The following TRAPPC9 variants were observed in gnomAD, a reference collection of about 807,000 sequenced individuals.
TRAPPC9 encodes the protein trafficking protein particle complex subunit 9, also known as IKK2 binding protein.
TRAPPC9 carries 83 observed loss-of-function variants against 124.0 expected under a neutral mutation model. The ratio of observed to expected loss-of-function variants is 0.67; its 90% CI spans 0.56 to 0.80. The LOEUF is 0.80. TRAPPC9 is among the 30% of genes least tolerant of loss of function. The pLI, the probability that TRAPPC9 is intolerant of heterozygous loss-of-function variation, is 0.00. For synonymous variants in TRAPPC9, 638 were observed against 617.5 expected, an observed-to-expected ratio of 1.03 and a Z score of -0.49; for missense variants, 1,302 against 1,508.3, an observed-to-expected ratio of 0.86 and a Z score of 2.27.
chr8:140,036,701 A>G (rs1840913254), intron 17 of TRAPPC9, among the ~76,000 whole-genome samples: 1 of 152,188 alleles, frequency 6.6e-6, no homozygotes, highest in Non-Finnish European at 1.5e-5. Flanking sequence ...GAGACGCTGC[A>G]GAACTCAGAG....
At chr8:140,118,040 A>G (rs1450141594) in intron 17 of TRAPPC9, among the ~76,000 whole-genome samples, 1 of 152,272 alleles carries the variant, frequency 6.6e-6, no homozygotes, top group Non-Finnish European at 1.5e-5. Flanking sequence ...TAGAGCTTAC[A>G]AAGTCCATAC....
chr8:140,350,718 G>A (rs1184017230), intron 9 of TRAPPC9, among the ~76,000 whole-genome samples: 1 of 152,114 alleles, frequency 6.6e-6, no homozygotes, highest in Admixed American at 6.5e-5. Flanking sequence ...GTGGGGCTCT[G>A]GGGTGGAAAA....
intron 2 of TRAPPC9, among the ~76,000 whole-genome samples, chr8:140,443,334 G>A (rs955602545): frequency 1.3e-4 from 19 of 151,784 alleles, no homozygotes; most frequent in African/African-American, 3.9e-4. Flanking sequence ...TAATCAGGAG[G>A]CTGAGGCAGG....
chr8:140,192,343 G>A (rs1005284357), intron 17 of TRAPPC9, among the ~76,000 whole-genome samples: 1 of 152,244 alleles, frequency 6.6e-6, no homozygotes, highest in Non-Finnish European at 1.5e-5. Context: ...AGTGATGGGT[G>A]CCATATTCCA....
At chr8:139,780,251 T>C (rs57868469) in intron 21 of TRAPPC9, among the ~76,000 whole-genome samples, 6,667 of 152,242 alleles carry the variant, frequency 0.044, 501 homozygotes, top group African/African-American at 0.15. Flanking sequence ...CACTACCCTA[T>C]GTTAAGCCTT....
chr8:139,966,855 C>A (rs190958168), intron 19 of TRAPPC9, among the ~76,000 whole-genome samples: 19 of 152,108 alleles, frequency 1.2e-4, no homozygotes, highest in Non-Finnish European at 2.6e-4. Context: ...TCCCGACATA[C>A]GGTTTAGCAC....
intron 17 of TRAPPC9, among the ~76,000 whole-genome samples, chr8:140,056,324 G>C (rs1842287107): frequency 6.6e-6 from 1 of 151,830 alleles, no homozygotes; most frequent in African/African-American, 2.4e-5. Context: ...GAGGAAGAAT[G>C]GCTTAAGTTC....
intron 18 of TRAPPC9, among the ~76,000 whole-genome samples, chr8:139,997,809 C>T (rs1554603729): frequency 6.9e-6 from 1 of 144,410 alleles, no homozygotes; most frequent in South Asian, 2.3e-4. Context: ...ATGCATCCTA[C>T]ACAGGGAGAC....
chr8:140,086,523 G>C (rs556107345), intron 17 of TRAPPC9, among the ~76,000 whole-genome samples: 1 of 152,152 alleles, frequency 6.6e-6, no homozygotes, highest in African/African-American at 2.4e-5. Context: ...CTGCCTCTGG[G>C]GGATTGGTCC....
intron 22 of TRAPPC9, 54 bp downstream of exon 22, chr8:139,731,925 G>GA (rs1817849680): frequency 1.3e-6 from 2 of 1,500,072 alleles, no homozygotes; most frequent in Non-Finnish European, 1.8e-6. Flanking sequence ...GGGAAGGGGG[G>GA]ATGATGACCA....
chr8:140,371,252 A>G (rs1418973910), intron 7 of TRAPPC9, 72 bp from the exon 8 acceptor site: 2 of 1,388,718 alleles, frequency 1.4e-6, no homozygotes, highest in African/African-American at 2.9e-5. Context: ...CACATTAAAA[A>G]TGTCTCTTCA....
At chr8:139,970,074 T>C (rs1244501588) in intron 19 of TRAPPC9, among the ~76,000 whole-genome samples, 1 of 152,216 alleles carries the variant, frequency 6.6e-6, no homozygotes, top group Non-Finnish European at 1.5e-5. Context: ...AGCCTGGTCA[T>C]AAACCACAGC....
intron 17 of TRAPPC9, among the ~76,000 whole-genome samples, chr8:140,220,110 T>G (rs1472992994): frequency 6.6e-6 from 1 of 151,904 alleles, no homozygotes; most frequent in East Asian, 1.9e-4. Context: ...GAAAACAGAC[T>G]CCACGAAGGT....
chr8:140,433,375 G>T (rs1236162636), intron 4 of TRAPPC9, among the ~76,000 whole-genome samples: 2 of 151,660 alleles, frequency 1.3e-5, no homozygotes, highest in African/African-American at 4.8e-5. Flanking sequence ...GATCACTTAT[G>T]GTCTGGAGTT....
chr8:140,177,438 T>C (rs2062094877), intron 17 of TRAPPC9, among the ~76,000 whole-genome samples: 2 of 152,188 alleles, frequency 1.3e-5, no homozygotes, highest in Admixed American at 1.3e-4. Flanking sequence ...TAGTCCAAAA[T>C]CAATTGACTA....
rs201713236 is a variant in TRAPPC9 at position 140,275,836 on chromosome 8, A to G, written c.2115-15T>C. On this transcript the variant is annotated splice_polypyrimidine_tract_variant and intron_variant, in intron 14 of 22. Transcript: ENST00000438773. ...AATGTGCAGATCTAAAATAAGAAGA[A>G]GAAATTTAAAGAAGAAAGAAGGAAG... The G allele has an allele frequency of 3.7e-6, 6 of 1,602,346 alleles. No individual in the cohort carries two copies. In the East Asian group the frequency reaches 1.3e-4, roughly 36 times the overall value.
intron 17 of TRAPPC9, among the ~76,000 whole-genome samples, chr8:140,148,079 T>G (rs1289772317): frequency 2.0e-5 from 3 of 152,220 alleles, no homozygotes; most frequent in African/African-American, 7.2e-5. Flanking sequence ...TCCTGGAGCC[T>G]GTGCTCCGTG....
rs577564731 is a variant in TRAPPC9 at position 139,971,722 on chromosome 8, TAC to T, written c.2810+17002_2810+17003del. On this transcript the variant is annotated intron_variant, in intron 19 of 22. Transcript: ENST00000438773. ...GAATGCTAAAGTTCATATATATATATACACACACACACACACATATATATATA... is the reference window on the plus strand; with the variant it reads ...GAATGCTAAAGTTCATATATATATATACACACACACACACATATATATATA... Among the ~76,000 whole-genome samples the T allele has an allele frequency of 7.1e-3, 818 of 115,906 alleles. 12 individuals are homozygous for T. The highest frequency in any genetic ancestry group is 0.032 in the Middle Eastern group (7 of 222). The allele number at this position is 115,906 out of a possible 152,430, so 76.0% of individuals were successfully genotyped here.
At chr8:140,340,898 G>C (rs992024465) in intron 9 of TRAPPC9, among the ~76,000 whole-genome samples, 1 of 152,132 alleles carries the variant, frequency 6.6e-6, no homozygotes, top group African/African-American at 2.4e-5. Flanking sequence ...TGGAAGTCAC[G>C]AACAAATCCA....
Sources: allele counts gnomAD v4.1 joint callset (sites outside exome capture counted in the v4.1 genomes callset), GRCh38; gene constraint gnomAD v4.1.1; transcripts MANE v1.5; gene names NCBI Gene and HGNC (gene_info 2026-07-23, HGNC 2026-07-21).